Variants in SLC71A1 observed in about 807,000 individuals in gnomAD.
SLC71A1 encodes the protein hippocampus abundant gene transcript 1.
chr1:100,077,392 C>G, the SLC71A1 span: 1 of 621,704 alleles, frequency 1.6e-6, no homozygotes, highest in African/African-American at 1.9e-5. Context: ...TGCTTTTTAT[C>G]TTTCAAAATG....
chr1:100,043,216 A>G, the SLC71A1 span: 3 of 973,690 alleles, frequency 3.1e-6, no homozygotes, highest in South Asian at 4.7e-5. Context: ...AAAAAAATGA[A>G]TAGCTTTCTT....
chr1:100,080,391 A>G, the SLC71A1 span: 1 of 881,170 alleles, frequency 1.1e-6, no homozygotes, highest in Non-Finnish European at 1.8e-6. Context: ...AGTGTCTGAT[A>G]AGAAGCTTGA....
chr1:100,061,549 C>G, the SLC71A1 span, among the ~76,000 whole-genome samples: 1 of 152,074 alleles, frequency 6.6e-6, no homozygotes, highest in South Asian at 2.1e-4. Flanking sequence ...GCAGAAAAAG[C>G]AAAATCACTT....
chr1:100,067,715 C>T, the SLC71A1 span, among the ~76,000 whole-genome samples: 1 of 152,000 alleles, frequency 6.6e-6, no homozygotes, highest in Non-Finnish European at 1.5e-5. Context: ...GATCTTCAGG[C>T]AGGAAGATCT....
At chr1:100,047,240 AT>A in the SLC71A1 span, among the ~76,000 whole-genome samples, 1 of 152,226 alleles carries the variant, frequency 6.6e-6, no homozygotes, top group South Asian at 2.1e-4. Flanking sequence ...CTTCTATACC[AT>A]TTTTGAGAGT....
At chr1:100,046,036 T>C in the SLC71A1 span, among the ~76,000 whole-genome samples, 1 of 152,130 alleles carries the variant, frequency 6.6e-6, no homozygotes, top group Non-Finnish European at 1.5e-5. Flanking sequence ...TTTCCCAATG[T>C]ATACTTCGGT....
At chr1:100,048,050 T>A in the SLC71A1 span, among the ~76,000 whole-genome samples, 4 of 152,182 alleles carry the variant, frequency 2.6e-5, no homozygotes, top group African/African-American at 9.7e-5. Context: ...ATACATGTTA[T>A]ATCCTACTTT....
the SLC71A1 span, among the ~76,000 whole-genome samples, chr1:100,067,364 C>T: frequency 6.6e-6 from 1 of 152,280 alleles, no homozygotes; most frequent in African/African-American, 2.4e-5. Context: ...GCCACCTCAG[C>T]CTCTGAAGTA....
At chr1:100,071,040 C>G in the SLC71A1 span, among the ~76,000 whole-genome samples, 1 of 151,974 alleles carries the variant, frequency 6.6e-6, no homozygotes, top group African/African-American at 2.4e-5. Context: ...CAGGTTTGTC[C>G]TAAAAATCAT....
the SLC71A1 span, among the ~76,000 whole-genome samples, chr1:100,045,759 A>T: frequency 6.6e-6 from 1 of 151,500 alleles, no homozygotes; most frequent in Non-Finnish European, 1.5e-5. Context: ...CGCCCAGGCG[A>T]CATACATAGT....
chr1:100,074,593 A>G, the SLC71A1 span, among the ~76,000 whole-genome samples: 1 of 150,672 alleles, frequency 6.6e-6, no homozygotes, highest in African/African-American at 2.4e-5. Context: ...GGGAAAAAGA[A>G]AGGCTGGGCA....
At chr1:100,080,424 T>C in the SLC71A1 span, 2 of 1,207,630 alleles carry the variant, frequency 1.7e-6, no homozygotes, top group Non-Finnish European at 1.2e-6. Flanking sequence ...TGATTTCATA[T>C]TTGTACTGGT....
chr1:100,038,517 G>C, the SLC71A1 span, among the ~76,000 whole-genome samples: 1 of 152,204 alleles, frequency 6.6e-6, no homozygotes, highest in Admixed American at 6.5e-5. Context: ...TGCGGCCTCC[G>C]GGGCCCGTCC....
the SLC71A1 span, among the ~76,000 whole-genome samples, chr1:100,076,471 T>C: frequency 3.3e-5 from 5 of 152,212 alleles, no homozygotes; most frequent in African/African-American, 1.2e-4. Flanking sequence ...CCGCTGATTA[T>C]TGCCAGGCAC....
At chr1:100,065,178 G>GT in the SLC71A1 span, among the ~76,000 whole-genome samples, 2 of 151,950 alleles carry the variant, frequency 1.3e-5, no homozygotes, top group Non-Finnish European at 2.9e-5. Context: ...CTGGCCAGTA[G>GT]TTTTTTTTGA....
At chr1:100,078,377 CTTAA>C in the SLC71A1 span, 10 of 951,400 alleles carry the variant, frequency 1.1e-5, no homozygotes, top group Non-Finnish European at 1.6e-5. Context: ...GTAAGAATTA[CTTAA>C]TTATGTAGTT....
the SLC71A1 span, among the ~76,000 whole-genome samples, chr1:100,058,419 T>C: frequency 2.9e-3 from 447 of 152,292 alleles, 3 homozygotes; most frequent in African/African-American, 1.0e-2. Flanking sequence ...GCATATCAGT[T>C]TTCTGATAGG....
chr1:100,071,232 G>A, the SLC71A1 span, among the ~76,000 whole-genome samples: 2 of 142,406 alleles, frequency 1.4e-5, no homozygotes, highest in Admixed American at 7.6e-5. Flanking sequence ...GTCAGGGACC[G>A]CTTGAGCCCA....
the SLC71A1 span, chr1:100,049,965 G>A: frequency 1.2e-6 from 2 of 1,610,098 alleles, no homozygotes; most frequent in East Asian, 2.2e-5. Flanking sequence ...TCTTTTTGGA[G>A]TTTTTTGCTT....
Sources: gnomAD v4.1 joint callset for allele counts (sites outside exome capture counted in the v4.1 genomes callset) on GRCh38, gnomAD v4.1.1 for gene constraint, MANE v1.5 for transcripts, NCBI Gene and HGNC (gene_info 2026-07-23, HGNC 2026-07-21) for gene names.